Variants in INSC observed in about 807,000 individuals in gnomAD.
INSC encodes the protein INSC spindle orientation adaptor protein.
A neutral mutation model predicts 58.6 loss-of-function variants in INSC; 67 were observed. The ratio of observed to expected loss-of-function variants is 1.14; its 90% CI spans 0.94 to 1.40. The LOEUF is 1.40. Ranked by LOEUF, INSC falls within the 40% of genes most tolerant of loss-of-function variation. INSC has a pLI of 0.00. For missense variants in INSC, 714 were observed against 692.0 expected (o/e 1.03, Z -0.36); for synonymous variants, 262 against 276.1 (o/e 0.95, Z 0.51).
At chr11:15,180,465 C>G (rs189265720) in intron 5 of INSC, among the ~76,000 whole-genome samples, 1 of 152,000 alleles carries the variant, frequency 6.6e-6, no homozygotes, top group Non-Finnish European at 1.5e-5. Context: ...ACTTCCCTGG[C>G]CTTTGGGCTG....
intron 7 of INSC, among the ~76,000 whole-genome samples, chr11:15,207,870 C>T (rs545212247): frequency 6.6e-6 from 1 of 152,144 alleles, no homozygotes; most frequent in South Asian, 2.1e-4. Context: ...GAGAGATGGT[C>T]ACCTCCATCT....
intron 9 of INSC, among the ~76,000 whole-genome samples, chr11:15,230,013 A>AAT (rs1376517539): frequency 9.6e-4 from 23 of 23,838 alleles, no homozygotes; most frequent in Admixed American, 1.5e-3. Flanking sequence ...ATATATATAT[A>AAT]ATATATATAT....
At position 15,149,235 on chromosome 11, in the gene INSC, G is replaced by C; in HGVS notation, c.56+5G>C. 1 of 1,588,892 alleles carries C rather than the reference G, an allele frequency of 6.3e-7. No individual in the cohort carries two copies. Among genetic ancestry groups the C allele is most frequent in the East Asian group, 2.3e-5 (1 of 43,740 alleles). The stretch of plus-strand genomic sequence containing the variant: ...CGTCACCCTGCCGGGTCAGCGGTAA[G>C]TCCTACAGCTGTCACTCCAGGCCAG... On this transcript the variant is annotated splice_donor_5th_base_variant and intron_variant, in intron 2 of 12. Coordinates refer to ENST00000379556, the MANE Select transcript of INSC (RefSeq NM_001042536.3).
At chr11:15,132,350 A>G (rs538294502) in intron 1 of INSC, among the ~76,000 whole-genome samples, 2 of 152,140 alleles carry the variant, frequency 1.3e-5, no homozygotes, top group Non-Finnish European at 2.9e-5. Flanking sequence ...CAGTGGGGCA[A>G]TCACAGCTCA....
intron 2 of INSC, among the ~76,000 whole-genome samples, chr11:15,151,789 C>A (rs182836688): frequency 2.0e-4 from 30 of 152,280 alleles, no homozygotes; most frequent in Non-Finnish European, 3.7e-4. Context: ...TATGGGAAGG[C>A]TTCTGGGGTG....
chr11:15,153,176 G>C (rs1714351), intron 2 of INSC, among the ~76,000 whole-genome samples: 122,545 of 152,200 alleles, frequency 0.81, 50,341 homozygotes, highest in Non-Finnish European at 0.9. Flanking sequence ...TTATTATTCA[G>C]TAACTTCTCT....
intron 9 of INSC, among the ~76,000 whole-genome samples, chr11:15,229,965 TATATATATATATATTATATATATATA>T (rs1851807505): frequency 4.1e-5 from 1 of 24,502 alleles, no homozygotes; most frequent in Non-Finnish European, 6.3e-5. Context: ...TATATTTATA[TATATATATATATATTATATATATATA>T]TATATATATA....
chr11:15,129,914 G>T (rs1189508229), intron 1 of INSC, among the ~76,000 whole-genome samples: 1 of 152,230 alleles, frequency 6.6e-6, no homozygotes, highest in Non-Finnish European at 1.5e-5. Flanking sequence ...TCTGTGCCTG[G>T]TGGAACCAGC....
the INSC span, among the ~76,000 whole-genome samples, chr11:15,264,811 G>A: frequency 1.3e-5 from 2 of 152,178 alleles, no homozygotes; most frequent in South Asian, 2.1e-4. Context: ...TTCTTTTGCC[G>A]TGTAATGTAA....
intron 6 of INSC, among the ~76,000 whole-genome samples, chr11:15,192,266 G>A (rs1045973221): frequency 1.3e-5 from 2 of 152,212 alleles, no homozygotes; most frequent in Admixed American, 1.3e-4. Flanking sequence ...CTGCTTGTCT[G>A]AGGAGAAAGC....
intron 1 of INSC, among the ~76,000 whole-genome samples, chr11:15,134,518 T>A (rs1004898778): frequency 2.0e-5 from 3 of 152,186 alleles, no homozygotes; most frequent in African/African-American, 7.2e-5. Flanking sequence ...TCCCATTAAT[T>A]TTTGGACTCT....
chr11:15,119,978 C>G (rs1847830647), intron 1 of INSC, among the ~76,000 whole-genome samples: 1 of 152,226 alleles, frequency 6.6e-6, no homozygotes, highest in Admixed American at 6.5e-5. Context: ...CACCCACTTT[C>G]TGTGAAAGAA....
chr11:15,213,046 T>C (rs1051660831), intron 7 of INSC, among the ~76,000 whole-genome samples: 2 of 152,234 alleles, frequency 1.3e-5, no homozygotes, highest in African/African-American at 4.8e-5. Flanking sequence ...GCCCAGGCTT[T>C]TCTCGCTGTG....
chr11:15,251,355 T>G (rs1852648068), downstream of INSC, among the ~76,000 whole-genome samples: 1 of 152,212 alleles, frequency 6.6e-6, no homozygotes, highest in Non-Finnish European at 1.5e-5. Context: ...AGACAATGGT[T>G]TCTTGGCTAT....
At chr11:15,234,701 G>T (rs1852055214) in intron 9 of INSC, among the ~76,000 whole-genome samples, 1 of 152,158 alleles carries the variant, frequency 6.6e-6, no homozygotes, top group South Asian at 2.1e-4. Flanking sequence ...GTGAAAGTGG[G>T]TGAATTTTCA....
At chr11:15,161,183 T>C (rs1109328) in intron 2 of INSC, among the ~76,000 whole-genome samples, 102,038 of 152,078 alleles carry the variant, frequency 0.67, 35,017 homozygotes, top group East Asian at 0.86. Flanking sequence ...GGCAGTGCCA[T>C]AATCCATGCC....
intron 1 of INSC, among the ~76,000 whole-genome samples, chr11:15,135,971 GT>G (rs1848235788): frequency 6.6e-6 from 1 of 152,162 alleles, no homozygotes; most frequent in Non-Finnish European, 1.5e-5. Context: ...CATGACGGAG[GT>G]AGAAGGGCCA....
At chr11:15,140,247 C>T (rs1848336969) in intron 1 of INSC, among the ~76,000 whole-genome samples, 1 of 152,210 alleles carries the variant, frequency 6.6e-6, no homozygotes, top group Admixed American at 6.5e-5. Context: ...AGTTAACCTG[C>T]CTGTCCCATT....
chr11:15,187,278 A>G (rs1850004619), intron 5 of INSC, among the ~76,000 whole-genome samples: 1 of 151,864 alleles, frequency 6.6e-6, no homozygotes. Context: ...GCTTGCTTCT[A>G]TTGGTCAAGC....
Sources: gnomAD v4.1 joint callset for allele counts (sites outside exome capture counted in the v4.1 genomes callset) on GRCh38, gnomAD v4.1.1 for gene constraint, MANE v1.5 for transcripts, NCBI Gene and HGNC (gene_info 2026-07-23, HGNC 2026-07-21) for gene names.